Variants in ARPC4 observed in about 807,000 individuals in gnomAD.
ARPC4 encodes actin-related protein 2/3 complex subunit 4.
ARPC4 carries 3 observed loss-of-function variants against 22.8 expected under a neutral mutation model. That is an observed-to-expected ratio of 0.13 (90% CI 0.06 to 0.34). The LOEUF (loss-of-function observed/expected upper bound fraction) is 0.34, where lower values mean the gene tolerates loss of function less well. ARPC4 is among the 10% of genes least tolerant of loss of function. The pLI is 1.00. For synonymous variants in ARPC4, 80 were observed against 72.5 expected (o/e 1.10, Z -0.52); for missense variants, 98 against 211.0 (o/e 0.46, Z 3.32).
intron 1 of ARPC4, among the ~76,000 whole-genome samples, chr3:9,795,870 C>T (rs577759870): frequency 5.9e-5 from 9 of 152,220 alleles, no homozygotes; most frequent in African/African-American, 1.4e-4. Context: ...CCGAGATGGG[C>T]GGGTCACTTG....
chr3:9,803,489 C>G (rs1230777170), intron 4 of ARPC4: 1 of 468,488 alleles, frequency 2.1e-6, no homozygotes, highest in Non-Finnish European at 4.3e-6. Context: ...CACCCATCTT[C>G]CACATCATCT....
intron 5 of ARPC4, among the ~76,000 whole-genome samples, chr3:9,805,865 TGCATGAGAGCCCCCATGCCTAAAGAAA>T (rs1441765908): frequency 2.0e-5 from 3 of 152,188 alleles, no homozygotes; most frequent in Non-Finnish European, 4.4e-5. Context: ...CCAGGCCCCT[TGCATGAGAGCCCCCATGCCTAAAGAAA>T]GCAACCTCAG....
intron 1 of ARPC4, among the ~76,000 whole-genome samples, chr3:9,796,417 T>C (rs1353540253): frequency 6.6e-6 from 1 of 152,092 alleles, no homozygotes; most frequent in Non-Finnish European, 1.5e-5. Context: ...TAAGAAGACA[T>C]GAAAGACATT....
chr3:9,800,957 TC>T lies in ARPC4; in HGVS notation c.234+664del, dbSNP rs201943812. On this transcript the variant is annotated intron_variant, in intron 3 of 5. Coordinates refer to ENST00000397261, the MANE Select transcript of ARPC4 (RefSeq NM_005718.5). ...CAGGCACAGTGGCTCATGCCTGTAA[TC>T]CCAGCACTTTGGGAGACCAAGGCGG... Among the ~76,000 whole-genome samples the T allele has an allele frequency of 3.8e-4, 57 of 151,962 alleles. No homozygotes were observed. The East Asian group carries it at 9.8e-3, about 26-fold the overall frequency.
At chr3:9,800,087 G>T in intron 2 of ARPC4, 98 bp from the exon 3 acceptor site, 1 of 1,196,244 alleles carries the variant, frequency 8.4e-7, no homozygotes, top group Non-Finnish European at 1.2e-6. Flanking sequence ...CTATTCCTTG[G>T]ACTCTATGGT....
chr3:9,802,237 CAAA>C (rs1159841703), intron 4 of ARPC4, among the ~76,000 whole-genome samples: 227 of 50,250 alleles, frequency 4.5e-3, no homozygotes, highest in Middle Eastern at 0.043. Flanking sequence ...GACTCCGTCT[CAAA>C]AAAAAAAAAA....
chr3:9,795,891 T>A (rs2078872276), intron 1 of ARPC4, among the ~76,000 whole-genome samples: 1 of 151,874 alleles, frequency 6.6e-6, no homozygotes, highest in African/African-American at 2.4e-5. Flanking sequence ...AGGTCAGGAG[T>A]TTGAGACCAG....
intron 1 of ARPC4, among the ~76,000 whole-genome samples, chr3:9,797,281 C>T (rs1403935368): frequency 1.3e-5 from 2 of 152,134 alleles, no homozygotes; most frequent in African/African-American, 4.8e-5. Flanking sequence ...ATTTGAGTCT[C>T]GATAATTCTT....
chr3:9,793,265 A>G (rs1022925079), intron 1 of ARPC4, 141 bp downstream of exon 1: 4 of 1,410,136 alleles, frequency 2.8e-6, no homozygotes, highest in Admixed American at 5.7e-5. Context: ...GGGTGGGAAA[A>G]AGAGACGGGG....
At chr3:9,800,375 GAGAGATC>G (rs2078983078) in intron 3 of ARPC4, 79 bp downstream of exon 3, 2 of 1,379,678 alleles carry the variant, frequency 1.4e-6, no homozygotes, top group Admixed American at 3.9e-5. Context: ...GTCCCCATCT[GAGAGATC>G]AGTGTGCCAG....
chr3:9,797,506 C>T (rs2078921141), intron 1 of ARPC4, among the ~76,000 whole-genome samples, 153 bp from the exon 2 acceptor site: 1 of 152,196 alleles, frequency 6.6e-6, no homozygotes, highest in Non-Finnish European at 1.5e-5. Context: ...CCTTGGAAGG[C>T]GTCTCGAAGG....
chr3:9,798,887 A>G (rs2078951869), intron 2 of ARPC4, among the ~76,000 whole-genome samples: 2 of 152,080 alleles, frequency 1.3e-5, no homozygotes, highest in South Asian at 4.1e-4. Context: ...ATAAAATAAA[A>G]TAAAATAAAA....
chr3:9,804,064 C>A, intron 5 of ARPC4, 51 bp downstream of exon 5: 1 of 1,595,862 alleles, frequency 6.3e-7, no homozygotes, highest in South Asian at 1.1e-5. Flanking sequence ...ATCTGGGGGT[C>A]ATGTTGAGAA....
intron 1 of ARPC4, 130 bp downstream of exon 1, chr3:9,793,254 A>G: frequency 1.6e-6 from 2 of 1,264,270 alleles, no homozygotes; most frequent in East Asian, 3.0e-5. Flanking sequence ...GGACACGATG[A>G]GGGTGGGAAA....
chr3:9,793,276 CGGGGGCCCGAGGT>C, intron 1 of ARPC4, 152 bp downstream of exon 1: 1 of 1,285,806 alleles, frequency 7.8e-7, no homozygotes, highest in Non-Finnish European at 1.0e-6. Context: ...AGAGACGGGG[CGGGGGCCCGAGGT>C]GAGGAAGGGG....
At chr3:9,800,771 G>A (rs568978885) in intron 3 of ARPC4, among the ~76,000 whole-genome samples, 3 of 152,248 alleles carry the variant, frequency 2.0e-5, no homozygotes, top group African/African-American at 7.2e-5. Flanking sequence ...ACGAAGCACT[G>A]TTATTAAATG....
chr3:9,800,374 T>A, intron 3 of ARPC4, 78 bp downstream of exon 3: 1 of 1,395,862 alleles, frequency 7.2e-7, no homozygotes, highest in Non-Finnish European at 1.0e-6. Flanking sequence ...GGTCCCCATC[T>A]GAGAGATCAG....
At chr3:9,792,965 C>G (rs760866300), upstream of ARPC4, 23 of 1,418,332 alleles carry the variant, frequency 1.6e-5, no homozygotes, top group Non-Finnish European at 2.0e-5. Context: ...TTCCGGAAGG[C>G]CCAAGCGTTC....
chr3:9,792,853 G>A (rs1292961722), upstream of ARPC4: 65 of 1,368,328 alleles, frequency 4.8e-5, no homozygotes, highest in Non-Finnish European at 5.8e-5. Flanking sequence ...GTGACAAGAA[G>A]GCCGAAGGCA....
Sources: gnomAD v4.1 joint callset for allele counts (sites outside exome capture counted in the v4.1 genomes callset) on GRCh38, gnomAD v4.1.1 for gene constraint, MANE v1.5 for transcripts, NCBI Gene and HGNC (gene_info 2026-07-23, HGNC 2026-07-21) for gene names.